COL23A1: variants seen among roughly 807,000 people sequenced by gnomAD.
COL23A1 encodes collagen type XXIII alpha 1 chain, also known as collagen alpha-1(XXIII) chain.
A neutral mutation model predicts 99.3 loss-of-function variants in COL23A1; 97 were observed. That is an observed-to-expected ratio of 0.98 (90% CI 0.83 to 1.16). The LOEUF is 1.16. COL23A1 is among the 50% of genes most tolerant of loss of function. COL23A1 has a pLI of 0.00. For missense variants in COL23A1, 762 were observed against 757.4 expected, an observed-to-expected ratio of 1.01 and a Z score of -0.07; for synonymous variants, 320 against 308.2, an observed-to-expected ratio of 1.04 and a Z score of -0.40.
intron 2 of COL23A1, among the ~76,000 whole-genome samples, chr5:178,460,722 T>A (rs1351851109): frequency 1.3e-5 from 2 of 152,174 alleles, no homozygotes; most frequent in Admixed American, 6.5e-5. Context: ...GCTTTTCTTA[T>A]CTTATGCCTG....
intron 1 of COL23A1, among the ~76,000 whole-genome samples, chr5:178,568,756 G>A (rs967361484): frequency 9.9e-5 from 15 of 152,202 alleles, no homozygotes; most frequent in South Asian, 2.1e-4. Context: ...GCACATTGGC[G>A]TGGATCATTC....
At position 178,590,162 on chromosome 5, in the gene COL23A1, G is replaced by T; in HGVS notation, c.36C>A (p.Asp12Glu). 2 of 1,223,296 alleles carry T rather than the reference G, an allele frequency of 1.6e-6. No individual in the cohort carries two copies. The highest frequency in any genetic ancestry group is 2.0e-6 in the Non-Finnish European group (2 of 986,692). 75.8% of individuals were successfully genotyped at this position (1,223,296 alleles called of 1,614,324 possible). Residue 12 changes from aspartate (D) to glutamate (E), a missense_variant, in exon 1 of 29, where the codon GAC becomes GAA. Physicochemically the swap from Asp to Glu is conservative, Grantham distance 45. Coordinates refer to ENST00000390654, the MANE Select transcript of COL23A1 (RefSeq NM_173465.4). This position sits in a 1 kb window ranked among gnomAD's most constrained non-coding sequence, Gnocchi z 5.7. ...GPGERAGGGGDAGKGNAAGGG... is the reference protein window; with the variant it reads ...GPGERAGGGGEAGKGNAAGGG... ...CGCCCGCCGCATTGCCCTTCCCCGC[G>T]TCGCCGCCGCCACCGGCGCGCTCGC...
At chr5:178,370,049 G>C (rs1581248279) in intron 2 of COL23A1, among the ~76,000 whole-genome samples, 2 of 152,310 alleles carry the variant, frequency 1.3e-5, no homozygotes, top group African/African-American at 4.8e-5. Context: ...CCAGCACCTA[G>C]GAAAAGGGCA....
At chr5:178,246,075 G>A in intron 24 of COL23A1, 107 bp from the exon 25 acceptor site, 1 of 1,401,582 alleles carries the variant, frequency 7.1e-7, no homozygotes, top group South Asian at 1.2e-5. Flanking sequence ...GGGGCAAGGA[G>A]ACCCACCAAC....
At chr5:178,482,315 C>T (rs1239853395) in intron 2 of COL23A1, among the ~76,000 whole-genome samples, 1 of 151,718 alleles carries the variant, frequency 6.6e-6, no homozygotes, top group Non-Finnish European at 1.5e-5. Flanking sequence ...GACAGATGAA[C>T]CTTGAAGGTA....
intron 17 of COL23A1, among the ~76,000 whole-genome samples, chr5:178,252,198 G>T (rs753405693): frequency 1.3e-5 from 2 of 152,164 alleles, no homozygotes; most frequent in Non-Finnish European, 2.9e-5. Flanking sequence ...TTACAGGTGT[G>T]AGCCACCACG....
chr5:178,527,953 C>T (rs1760408539), intron 2 of COL23A1, among the ~76,000 whole-genome samples: 1 of 152,224 alleles, frequency 6.6e-6, no homozygotes. Flanking sequence ...CTTAAGTGTA[C>T]ATGAATCAGA....
At chr5:178,417,546 C>G (rs988077270) in intron 2 of COL23A1, among the ~76,000 whole-genome samples, 1 of 152,190 alleles carries the variant, frequency 6.6e-6, no homozygotes, top group Non-Finnish European at 1.5e-5. Context: ...CATTCCATCC[C>G]CCATTCCCCC....
At chr5:178,266,652 G>A (rs1755921036) in intron 8 of COL23A1, among the ~76,000 whole-genome samples, 1 of 152,312 alleles carries the variant, frequency 6.6e-6, no homozygotes. Flanking sequence ...AATCTCACCA[G>A]CTTTATGTGG....
chr5:178,523,201 T>TATATAGAGAGAGAGAGAG (rs1223542330), intron 2 of COL23A1, among the ~76,000 whole-genome samples: 1 of 77,618 alleles, frequency 1.3e-5, no homozygotes, highest in Non-Finnish European at 2.5e-5. Context: ...TATATATATA[T>TATATAGAGAGAGAGAGAG]AGAGAGAGAG....
At chr5:178,576,461 C>G (rs988011496) in intron 1 of COL23A1, among the ~76,000 whole-genome samples, 3 of 152,250 alleles carry the variant, frequency 2.0e-5, no homozygotes, top group African/African-American at 4.8e-5. Flanking sequence ...TCTCGAACTC[C>G]TGACCTCGTG....
At chr5:178,559,750 C>T (rs1284285477) in intron 2 of COL23A1, among the ~76,000 whole-genome samples, 2 of 147,632 alleles carry the variant, frequency 1.4e-5, no homozygotes, top group Non-Finnish European at 3.0e-5. Flanking sequence ...GTCGAGAAGT[C>T]TGAGACACAT....
At chr5:178,426,878 T>C (rs1415401145) in intron 2 of COL23A1, among the ~76,000 whole-genome samples, 1 of 152,174 alleles carries the variant, frequency 6.6e-6, no homozygotes, top group Non-Finnish European at 1.5e-5. Flanking sequence ...CTGCCCATCA[T>C]ATGCCATCAG....
intron 2 of COL23A1, among the ~76,000 whole-genome samples, chr5:178,524,133 C>T (rs955199519): frequency 1.3e-5 from 2 of 152,126 alleles, no homozygotes; most frequent in African/African-American, 2.4e-5. Context: ...ACGTACTGCC[C>T]CTCTTGACTG....
In COL23A1 at chr5:178,310,939, G is replaced by C. The variant is rs772145258; in HGVS notation, c.362-4020C>G. On this transcript the variant is annotated intron_variant, in intron 2 of 28. Coordinates refer to ENST00000390654, the MANE Select transcript of COL23A1 (RefSeq NM_173465.4). This position sits in a 1 kb window ranked among gnomAD's most constrained non-coding sequence, Gnocchi z 4.3. ...ACTGGGAGTCTGTCTTGATTGATCT[G>C]CTCATGTGGAGAAGGGGAAACTGAG... is the stretch of plus-strand genomic sequence containing the variant. Among the ~76,000 whole-genome samples the C allele has an allele frequency of 5.3e-4, 81 of 152,276 alleles. No homozygotes were observed. Among genetic ancestry groups the C allele is most frequent in the Middle Eastern group, 6.8e-3 (2 of 294 alleles).
chr5:178,561,637 T>A (rs992490581), intron 1 of COL23A1, among the ~76,000 whole-genome samples: 1 of 152,014 alleles, frequency 6.6e-6, no homozygotes, highest in Non-Finnish European at 1.5e-5. Context: ...TAGCCAGAAC[T>A]TGAGTCCCAA....
chr5:178,470,185 G>C (rs1245865437), intron 2 of COL23A1, among the ~76,000 whole-genome samples: 1 of 152,162 alleles, frequency 6.6e-6, no homozygotes, highest in African/African-American at 2.4e-5. Flanking sequence ...TCAACACCTG[G>C]TGCAGCTCTT....
intron 2 of COL23A1, among the ~76,000 whole-genome samples, chr5:178,350,035 C>T (rs766528742): frequency 5.3e-5 from 8 of 152,204 alleles, no homozygotes; most frequent in Non-Finnish European, 8.8e-5. Flanking sequence ...GCCCTCTGTG[C>T]CCCCTCTCCA....
chr5:178,364,603 C>G (rs915017680), intron 2 of COL23A1, among the ~76,000 whole-genome samples: 1 of 152,158 alleles, frequency 6.6e-6, no homozygotes, highest in Non-Finnish European at 1.5e-5. Context: ...CATCAGCAGA[C>G]ACCGAATTAT....
Sources: allele counts gnomAD v4.1 joint callset (sites outside exome capture counted in the v4.1 genomes callset), GRCh38; gene constraint gnomAD v4.1.1; non-coding constraint Gnocchi (gnomAD v3.1); transcripts MANE v1.5; gene names NCBI Gene and HGNC (gene_info 2026-07-23, HGNC 2026-07-21).